Variants in IMMP2L observed in about 807,000 individuals in gnomAD.
IMMP2L encodes the protein mitochondrial inner membrane protease subunit 2.
Under a neutral mutation model 19.3 loss-of-function variants are expected in IMMP2L, and 18 were observed. That is an observed-to-expected ratio of 0.93 (90% CI 0.64 to 1.38). The LOEUF is 1.38. IMMP2L is among the 40% of genes most tolerant of loss of function. The pLI, the probability that IMMP2L is intolerant of heterozygous loss-of-function variation, is 0.00. For synonymous variants in IMMP2L, 76 were observed against 73.0 expected, an observed-to-expected ratio of 1.04 and a Z score of -0.21; for missense variants, 233 against 218.2, an observed-to-expected ratio of 1.07 and a Z score of -0.43.
intron 3 of IMMP2L, among the ~76,000 whole-genome samples, chr7:111,374,907 T>G (rs528498537): frequency 6.6e-6 from 1 of 152,172 alleles, no homozygotes; most frequent in Non-Finnish European, 1.5e-5. Flanking sequence ...TCTAGACTTT[T>G]GTTTTCAGAG....
At chr7:111,403,178 G>C (rs943998652) in intron 3 of IMMP2L, among the ~76,000 whole-genome samples, 1 of 151,962 alleles carries the variant, frequency 6.6e-6, no homozygotes, top group African/African-American at 2.4e-5. Flanking sequence ...CTGTATCACA[G>C]GGCGGTTTCC....
intron 3 of IMMP2L, among the ~76,000 whole-genome samples, chr7:111,334,400 C>A (rs1213299394): frequency 6.6e-6 from 1 of 151,960 alleles, no homozygotes; most frequent in Non-Finnish European, 1.5e-5. Flanking sequence ...GGATTTCATT[C>A]TTTTTTATGG....
chr7:110,852,324 C>T (rs1399434971), intron 5 of IMMP2L, among the ~76,000 whole-genome samples: 1 of 151,882 alleles, frequency 6.6e-6, no homozygotes, highest in African/African-American at 2.4e-5. Context: ...TACATACACA[C>T]AAGAAACATG....
intron 5 of IMMP2L, among the ~76,000 whole-genome samples, chr7:110,674,647 G>A (rs1411192237): frequency 2.6e-5 from 4 of 152,106 alleles, no homozygotes; most frequent in South Asian, 2.1e-4. Context: ...AAGTCAAAAC[G>A]AACTGAAACA....
intron 3 of IMMP2L, among the ~76,000 whole-genome samples, chr7:111,214,785 TAA>T (rs983194626): frequency 2.2e-5 from 3 of 134,964 alleles, no homozygotes. Flanking sequence ...CATAACCATG[TAA>T]AAAAAAAAAA....
At chr7:111,441,156 T>G (rs982605893) in intron 3 of IMMP2L, among the ~76,000 whole-genome samples, 2 of 151,880 alleles carry the variant, frequency 1.3e-5, no homozygotes, top group Non-Finnish European at 2.9e-5. Context: ...CATCATCCAT[T>G]TATTCACTGG....
intron 5 of IMMP2L, among the ~76,000 whole-genome samples, chr7:110,776,917 C>G (rs987254265): frequency 6.6e-6 from 1 of 151,914 alleles, no homozygotes; most frequent in Non-Finnish European, 1.5e-5. Flanking sequence ...AAATGTTTGT[C>G]TTCCCCACTG....
intron 5 of IMMP2L, among the ~76,000 whole-genome samples, chr7:110,761,953 CGGGGT>C: frequency 6.6e-6 from 1 of 152,250 alleles, no homozygotes; most frequent in South Asian, 2.1e-4. Context: ...CTGGTCAACA[CGGGGT>C]CCGTACCTCT....
chr7:110,917,512 T>G (rs1016524605), intron 4 of IMMP2L, among the ~76,000 whole-genome samples: 33 of 152,208 alleles, frequency 2.2e-4, no homozygotes, highest in African/African-American at 7.7e-4. Flanking sequence ...ACATTATTAT[T>G]AACTCATATT....
At chr7:110,680,912 C>CT (rs1305320401) in intron 5 of IMMP2L, among the ~76,000 whole-genome samples, 1 of 152,076 alleles carries the variant, frequency 6.6e-6, no homozygotes, top group East Asian at 1.9e-4. Flanking sequence ...GCCATCCTCC[C>CT]TGCCTTGCTC....
At chr7:110,868,748 A>G (rs1808255328) in intron 5 of IMMP2L, among the ~76,000 whole-genome samples, 1 of 152,126 alleles carries the variant, frequency 6.6e-6, no homozygotes, top group Non-Finnish European at 1.5e-5. Context: ...TACTCCACTA[A>G]GCATTGTATC....
At chr7:110,876,226 T>G (rs766822606) in intron 5 of IMMP2L, among the ~76,000 whole-genome samples, 1 of 152,184 alleles carries the variant, frequency 6.6e-6, no homozygotes, top group East Asian at 1.9e-4. Context: ...CCCTTCTATG[T>G]TTCCTTCTTT....
intron 3 of IMMP2L, chr7:111,125,351 A>C (rs1562825479): frequency 5.9e-6 from 1 of 168,572 alleles, no homozygotes; most frequent in Non-Finnish European, 1.4e-5. Flanking sequence ...TAGAGTAGAC[A>C]CAGTGAGTAT....
intron 5 of IMMP2L, among the ~76,000 whole-genome samples, chr7:110,774,159 T>A (rs1378308193): frequency 8.5e-5 from 13 of 152,178 alleles, no homozygotes; most frequent in African/African-American, 2.6e-4. Flanking sequence ...CCAGTCTGCA[T>A]AATAGGCAGA....
chr7:110,702,985 T>C (rs1794391182), intron 5 of IMMP2L, among the ~76,000 whole-genome samples: 1 of 152,186 alleles, frequency 6.6e-6, no homozygotes. Flanking sequence ...GGTTTTCTGT[T>C]TCAGAAAGAA....
chr7:110,671,715 A>G (rs1791934503), intron 5 of IMMP2L, among the ~76,000 whole-genome samples: 1 of 151,342 alleles, frequency 6.6e-6, no homozygotes, highest in Admixed American at 6.6e-5. Context: ...TCTACCTAAC[A>G]CTCTTTCATT....
At chr7:111,456,482 A>G (rs945840050) in intron 3 of IMMP2L, among the ~76,000 whole-genome samples, 3 of 152,112 alleles carry the variant, frequency 2.0e-5, no homozygotes, top group African/African-American at 7.2e-5. Context: ...CTAAAGGATC[A>G]TCTCTCCAAG....
intron 5 of IMMP2L, among the ~76,000 whole-genome samples, chr7:110,780,552 C>T (rs1014281035): frequency 1.3e-4 from 20 of 151,666 alleles, no homozygotes; most frequent in Admixed American, 4.6e-4. Flanking sequence ...CACAACTCTT[C>T]GAACACACAA....
chr7:111,213,571 C>T lies in IMMP2L; in HGVS notation c.240-250006G>A, dbSNP rs962716176. Among the ~76,000 whole-genome samples the T allele has an allele frequency of 6.6e-6, 1 of 152,180 alleles. No individual in the cohort carries two copies. Among genetic ancestry groups the T allele is most frequent in the African/African-American group, 2.4e-5 (1 of 41,432 alleles). ...GGTACCTTCCAGCCCTGCCTATGGC[C>T]ACCCTTGGACAAACTGGTGCACACT... On this transcript the variant is annotated intron_variant, in intron 3 of 5. Coordinates refer to ENST00000405709, the MANE Select transcript of IMMP2L (RefSeq NM_032549.4). This position sits in a 1 kb window ranked among gnomAD's most constrained non-coding sequence, Gnocchi z 4.8.
Sources: gnomAD v4.1 joint callset for allele counts (sites outside exome capture counted in the v4.1 genomes callset) on GRCh38, gnomAD v4.1.1 for gene constraint, Gnocchi (gnomAD v3.1) non-coding constraint, MANE v1.5 for transcripts, NCBI Gene and HGNC (gene_info 2026-07-23, HGNC 2026-07-21) for gene names.